Variants in ZSWIM8 observed in about 807,000 individuals in gnomAD.
The protein encoded by ZSWIM8 is zinc finger SWIM-type containing 8, also known as zinc finger SWIM domain-containing protein 8.
A neutral mutation model predicts 173.7 loss-of-function variants in ZSWIM8; 27 were observed. The ratio of observed to expected loss-of-function variants is 0.16; its 90% CI spans 0.11 to 0.21. The LOEUF (loss-of-function observed/expected upper bound fraction) is 0.21, where lower values mean the gene tolerates loss of function less well. ZSWIM8 is among the 10% of genes least tolerant of loss of function. The pLI is 1.00. For synonymous variants in ZSWIM8, 958 were observed against 962.0 expected (o/e 1.00, Z 0.08); for missense variants, 1,627 against 2,428.8 (o/e 0.67, Z 6.94).
rs1177666817 is a variant in ZSWIM8, at chr10:73,792,847, A to G, written c.2308A>G (p.Met770Val). ...GAAGCCACTGGAACAGGAGAGTCGCATGGAGGTGAGGGGATGGAAGGAGGG... is the reference window on the plus strand; with the variant it reads ...GAAGCCACTGGAACAGGAGAGTCGCGTGGAGGTGAGGGGATGGAAGGAGGG... ...GLKPLEQESR[M>V]EVLFACAEAL... The change falls in exon 10 of 26, where the codon ATG (methionine) becomes GTG (valine). Residue 770 changes from methionine (M) to valine (V), a missense_variant. Met to Val is a conservative substitution (Grantham distance 21). Transcript: ENST00000604729. The surrounding 1 kb of genome is among the most constrained non-coding windows in gnomAD (Gnocchi z 4.3). 4 of 1,559,656 alleles carry G rather than the reference A, an allele frequency of 2.6e-6. No homozygotes were observed. Among genetic ancestry groups the G allele is most frequent in the South Asian group, 2.3e-5 (2 of 85,164 alleles).
rs748415119 is a variant in ZSWIM8, at chr10:73,791,134, C to T, written c.1101C>T (p.Pro367=). ...AGCGGAGGGACAGCAATGCTGCCCCCTTGTTGGAAATCCTCACTGACCAGT... is the reference window on the plus strand; with the variant it reads ...AGCGGAGGGACAGCAATGCTGCCCCTTTGTTGGAAATCCTCACTGACCAGT... ...MFKRRDSNAA[P]LLEILTDQCL... is the part of the protein sequence containing the mutation. Residue 367 remains proline, a synonymous_variant, in exon 8 of 26, where the codon CCC becomes CCT. Coordinates refer to ENST00000604729, the MANE Select transcript of ZSWIM8 (RefSeq NM_001367799.1). The surrounding 1 kb of genome is among the most constrained non-coding windows in gnomAD (Gnocchi z 6.0). 8 of 1,613,106 alleles carry T rather than the reference C, an allele frequency of 5.0e-6. No homozygotes were observed. The highest frequency in any genetic ancestry group is 6.8e-6 in the Non-Finnish European group (8 of 1,179,238).
At chr10:73,788,963 T>TC in intron 2 of ZSWIM8, 133 bp from the exon 3 acceptor site, 1 of 962,804 alleles carries the variant, frequency 1.0e-6, no homozygotes, top group Non-Finnish European at 1.5e-6. Flanking sequence ...GGGATTCCAC[T>TC]CCCTCCCCCC....
chr10:73,789,563 G>T lies in ZSWIM8; in HGVS notation c.630+24G>T. On this transcript the variant is annotated intron_variant, in intron 4 of 25. Transcript: ENST00000604729. This position sits in a 1 kb window ranked among gnomAD's most constrained non-coding sequence, Gnocchi z 6.8. ...ACGTGAGGCCCTCCCAATTTATCCC[G>T]GCCCTATCCTACACTCCATCCCCCC... The T allele has an allele frequency of 1.2e-6, 2 of 1,607,440 alleles. No homozygotes were observed. The highest frequency in any genetic ancestry group is 8.5e-7 in the Non-Finnish European group (1 of 1,177,960).
rs2083398175 is a variant in ZSWIM8 at position 73,791,013 on chromosome 10, C to T, written c.980C>T (p.Pro327Leu). ...NSMYLSSTEP[P>L]AAAEWACLLR... ...ATGTATCTGTCTTCCACGGAGCCGC[C>T]AGCCGCTGCTGAATGGGCATGTCTG... is the stretch of plus-strand genomic sequence containing the variant. The change falls in exon 8 of 26, where the codon CCA becomes CTA. Residue 327 changes from proline to leucine, a missense_variant. Pro to Leu is a moderately conservative substitution (Grantham distance 98). Around this residue, in one of 18 missense-constraint regions of ZSWIM8, gnomAD observed 38 missense variants for 106.1 expected, o/e 0.36. Transcript: ENST00000604729. The surrounding 1 kb of genome is among the most constrained non-coding windows in gnomAD (Gnocchi z 6.0). The T allele has an allele frequency of 6.2e-7, 1 of 1,613,080 alleles. No individual in the cohort carries two copies. The highest frequency in any genetic ancestry group is 8.5e-7 in the Non-Finnish European group (1 of 1,179,872).
chr10:73,799,516 T>A, intron 21 of ZSWIM8, 26 bp downstream of exon 21: 1 of 1,587,164 alleles, frequency 6.3e-7, no homozygotes, highest in Non-Finnish European at 8.6e-7. Flanking sequence ...TGCTGGGGGG[T>A]AAGGCATGGG....
rs578057485 is a variant in ZSWIM8 at position 73,786,261 on chromosome 10, G to A, written c.208+175G>A. On this transcript the variant is annotated intron_variant, in intron 1 of 25. Transcript: ENST00000604729. ...TGGGAGCTGTCCCAAGCTTAGAACA[G>A]ACTTCAGAACTCGCTTTTCCGGCCT... The A allele has an allele frequency of 3.4e-5, 24 of 709,906 alleles. No homozygotes were observed. In the African/African-American group the frequency reaches 4.2e-4, roughly 13 times the overall value. The allele number at this position is 709,906 out of a possible 1,614,324, so 44.0% of individuals were successfully genotyped here.
Position 73,790,020 on chromosome 10 carries a change from C to A in ZSWIM8, c.803C>A (p.Thr268Lys), listed in dbSNP as rs749897485. The A allele has an allele frequency of 1.2e-6, 2 of 1,612,966 alleles. No individual in the cohort carries two copies. Among genetic ancestry groups the A allele is most frequent in the Non-Finnish European group, 1.7e-6 (2 of 1,179,478 alleles). The change falls in exon 6 of 26, where the codon ACA (threonine) becomes AAA (lysine). Residue 268 changes from threonine (T) to lysine (K), a missense_variant. Thr to Lys is a moderately conservative substitution (Grantham distance 78). Around this residue, in one of 18 missense-constraint regions of ZSWIM8, gnomAD observed 39 missense variants for 154.0 expected, o/e 0.25. Coordinates refer to ENST00000604729, the MANE Select transcript of ZSWIM8 (RefSeq NM_001367799.1). ...TCTTCCCAGTCAACAGCCATCAATA[C>A]AGTGTGTGGAGCTCCGGGTGAGTGT... is the stretch of plus-strand genomic sequence containing the variant. Reference protein sequence around the residue: ...LLSSQSTAINTVCGAPDPTAG... With the variant: ...LLSSQSTAINKVCGAPDPTAG...
chr10:73,786,307 TC>T, intron 1 of ZSWIM8: 1 of 529,322 alleles, frequency 1.9e-6, no homozygotes, highest in Non-Finnish European at 3.2e-6. Context: ...GGCTGGCTTC[TC>T]CACACCTGTG....
rs1342815016 is a variant in ZSWIM8, at chr10:73,797,230, G to A, written c.3392G>A (p.Arg1131Gln). 3.1e-6 allele frequency: 5 copies of A among 1,613,854 alleles called. No individual in the cohort carries two copies. Among genetic ancestry groups the A allele is most frequent in the South Asian group, 1.1e-5 (1 of 91,084 alleles). The change falls in exon 17 of 26, where the codon CGG becomes CAG. Residue 1131 changes from arginine (R) to glutamine (Q), a missense_variant. By Grantham distance (43) the Arg-to-Gln change is conservative. Transcript: ENST00000604729. This position sits in a 1 kb window ranked among gnomAD's most constrained non-coding sequence, Gnocchi z 5.6. ...GGCAGTCGTGGAGGCTATAATGGAC[G>A]GGGATGGGGGTCCCCAGGACGGCCT... ...ALGSRGGYNG[R>Q]GWGSPGRPKK...
intron 15 of ZSWIM8, 55 bp from the exon 16 acceptor site, chr10:73,796,719 A>C (rs1190743574): frequency 6.3e-7 from 1 of 1,597,656 alleles, no homozygotes; most frequent in East Asian, 2.2e-5. Context: ...AGAAGTCAGG[A>C]GCTAAAGGGC....
chr10:73,790,998 C>T lies in ZSWIM8; in HGVS notation c.965C>T (p.Ser322Phe), dbSNP rs2083397906. The part of the protein sequence containing the change: ...VFSDVNSMYL[S>F]STEPPAAAEW... ...AGTGATGTGAACTCCATGTATCTGT[C>T]TTCCACGGAGCCGCCAGCCGCTGCT... Residue 322 changes from serine to phenylalanine, a missense_variant, in exon 8 of 26, where the codon TCT becomes TTT. Physicochemically the swap from Ser to Phe is radical, Grantham distance 155. Transcript: ENST00000604729. 1 of 1,611,476 alleles carries T rather than the reference C, an allele frequency of 6.2e-7. No individual in the cohort carries two copies. Among genetic ancestry groups the T allele is most frequent in the Non-Finnish European group, 8.5e-7 (1 of 1,179,878 alleles).
chr10:73,792,488 A>G lies in ZSWIM8; in HGVS notation c.1949A>G (p.His650Arg). 1 of 1,612,744 alleles carries G rather than the reference A, an allele frequency of 6.2e-7. No individual in the cohort carries two copies. Among genetic ancestry groups the G allele is most frequent in the Non-Finnish European group, 8.5e-7 (1 of 1,179,308 alleles). ...FPESPPPCPLHGGSRGPSTFL... is the reference protein window; with the variant it reads ...FPESPPPCPLRGGSRGPSTFL... ...GAGAGCCCTCCACCCTGTCCTCTCC[A>G]CGGTGGCTCCCGAGGCCCTTCCACT... is the stretch of plus-strand genomic sequence containing the variant. The change falls in exon 10 of 26, where the codon CAC (histidine) becomes CGC (arginine). Residue 650 changes from histidine (H) to arginine (R), a missense_variant. Transcript: ENST00000604729. This position sits in a 1 kb window ranked among gnomAD's most constrained non-coding sequence, Gnocchi z 4.3.
chr10:73,791,881 C>T lies in ZSWIM8; in HGVS notation c.1342C>T (p.Leu448=), dbSNP rs1256632665. Residue 448 remains leucine (L), a synonymous_variant, in exon 10 of 26, where the codon CTG becomes TTG. Coordinates refer to ENST00000604729, the MANE Select transcript of ZSWIM8 (RefSeq NM_001367799.1). This position sits in a 1 kb window ranked among gnomAD's most constrained non-coding sequence, Gnocchi z 6.0. ...CAGGCGCCGGGAACTGTGTACGCAG[C>T]TGCGGCAGTGGCAACTGAAGGTGAT... The part of the protein sequence containing the change: ...PQRRRELCTQ[L]RQWQLKVIEN... The T allele has an allele frequency of 4.6e-6, 7 of 1,537,788 alleles. No individual in the cohort carries two copies. Among genetic ancestry groups the T allele is most frequent in the South Asian group, 1.2e-5 (1 of 82,198 alleles).
intron 1 of ZSWIM8, chr10:73,786,354 G>C (rs1322728722): frequency 2.7e-6 from 1 of 375,982 alleles, no homozygotes; most frequent in East Asian, 3.9e-5. Context: ...GTGCGCGCGC[G>C]CGCGTGCGCG....
Position 73,792,105 on chromosome 10 carries a change from G to A in ZSWIM8, c.1566G>A (p.Gly522=), listed in dbSNP as rs1225887111. ...CTCGGCCAGGTGCCTCCCGCTCTGG[G>A]GGCCTGGAGGAATCCCGGGACCGGC... The part of the protein sequence containing the change: ...LPSRPGASRS[G]GLEESRDRPR... Residue 522 remains glycine (G), a synonymous_variant, in exon 10 of 26, where the codon GGG becomes GGA. Transcript: ENST00000604729. The surrounding 1 kb of genome is among the most constrained non-coding windows in gnomAD (Gnocchi z 4.3). The A allele has an allele frequency of 6.5e-7, 1 of 1,531,038 alleles. No homozygotes were observed. The highest frequency in any genetic ancestry group is 1.2e-5 in the South Asian group (1 of 82,942). The allele number at this position is 1,531,038 out of a possible 1,614,324, so 94.8% of individuals were successfully genotyped here. A position where few individuals can be genotyped will look rare whatever the true frequency, so the allele number is the denominator to read the frequency against.
intron 20 of ZSWIM8, 61 bp from the exon 21 acceptor site, chr10:73,798,941 C>T (rs890387433): frequency 3.8e-5 from 59 of 1,545,236 alleles, no homozygotes; most frequent in Non-Finnish European, 5.0e-5. Context: ...GGAATCTCAT[C>T]TAACACCTTC....
At chr10:73,799,651 C>T in intron 21 of ZSWIM8, 161 bp downstream of exon 21, 1 of 1,027,340 alleles carries the variant, frequency 9.7e-7, no homozygotes. Flanking sequence ...GAAATGACGG[C>T]CGGGCATGGT....
At chr10:73,794,819 G>A (rs1272372419) in intron 14 of ZSWIM8, 180 bp downstream of exon 14, 4 of 526,632 alleles carry the variant, frequency 7.6e-6, no homozygotes, top group Non-Finnish European at 1.3e-5. Flanking sequence ...TGGGCGTGGT[G>A]GCCCATGCTT....
chr10:73,800,948 G>A lies in ZSWIM8; in HGVS notation c.5123-69G>A. 3 of 1,448,542 alleles carry A rather than the reference G, an allele frequency of 2.1e-6. No individual in the cohort carries two copies. The South Asian group carries it at 4.0e-5, about 19-fold the overall frequency. 89.7% of individuals were successfully genotyped at this position (1,448,542 alleles called of 1,614,324 possible). On this transcript the variant is annotated intron_variant, in intron 24 of 25. Transcript: ENST00000604729. This position sits in a 1 kb window ranked among gnomAD's most constrained non-coding sequence, Gnocchi z 4.1. ...AGGCTCTCTGCCAGGCCAGAGCTGAGATCTGTAAGTTGGGTCCCTAGGGCA... is the reference window on the plus strand; with the variant it reads ...AGGCTCTCTGCCAGGCCAGAGCTGAAATCTGTAAGTTGGGTCCCTAGGGCA...
Sources: gnomAD v4.1 joint callset for allele counts on GRCh38, gnomAD v4.1.1 for gene constraint, gnomAD v4.1.1 regional missense constraint, Gnocchi (gnomAD v3.1) non-coding constraint, MANE v1.5 for transcripts, NCBI Gene and HGNC (gene_info 2026-07-23, HGNC 2026-07-21) for gene names.